Variants in KCNIP4 observed in about 807,000 individuals in gnomAD.
KCNIP4 encodes potassium voltage-gated channel interacting protein 4.
A neutral mutation model predicts 34.0 loss-of-function variants in KCNIP4; 12 were observed. The ratio of observed to expected loss-of-function variants is 0.35; its 90% CI spans 0.23 to 0.57. The LOEUF (loss-of-function observed/expected upper bound fraction) is 0.57. KCNIP4 is among the 20% of genes least tolerant of loss of function. KCNIP4 has a pLI of 0.83. For synonymous variants in KCNIP4, 124 were observed against 102.2 expected, an observed-to-expected ratio of 1.21 and a Z score of -1.29; for missense variants, 238 against 311.7, an observed-to-expected ratio of 0.76 and a Z score of 1.78.
chr4:21,400,096 A>G (rs573418591), intron 1 of KCNIP4, among the ~76,000 whole-genome samples: 3 of 152,288 alleles, frequency 2.0e-5, no homozygotes, highest in African/African-American at 7.2e-5. Context: ...AAGTCCTGGA[A>G]TTCATCCAGT....
chr4:21,373,537 C>T lies in KCNIP4; in HGVS notation c.62-490828G>A, dbSNP rs373740049. Among the ~76,000 whole-genome samples, 21 of 146,094 alleles carry T rather than the reference C, an allele frequency of 1.4e-4. 6 individuals are homozygous for T. Among genetic ancestry groups the T allele is most frequent in the African/African-American group, 5.3e-4 (19 of 36,138 alleles). On this transcript the variant is annotated intron_variant, in intron 1 of 8. Transcript: ENST00000382152. The stretch of plus-strand genomic sequence containing the variant: ...AGCAGTTGGGGTTTCCTTTGGGAAC[C>T]GATTCCATTTCATATTGTCATGTTA...
At chr4:21,800,163 T>C (rs1167782672) in intron 1 of KCNIP4, among the ~76,000 whole-genome samples, 1 of 152,128 alleles carries the variant, frequency 6.6e-6, no homozygotes, top group Non-Finnish European at 1.5e-5. Flanking sequence ...TATTGGTGTG[T>C]TAAAAAAATC....
At chr4:21,460,282 C>A (rs1729343500) in intron 1 of KCNIP4, among the ~76,000 whole-genome samples, 1 of 151,958 alleles carries the variant, frequency 6.6e-6, no homozygotes, top group African/African-American at 2.4e-5. Context: ...TTTTCTCTCA[C>A]CTTTAAATTT....
intron 1 of KCNIP4, among the ~76,000 whole-genome samples, chr4:21,495,975 CT>C (rs781166488): frequency 2.0e-4 from 31 of 152,208 alleles, no homozygotes; most frequent in Non-Finnish European, 3.5e-4. Context: ...GCCCTGCAAT[CT>C]GCATAATTTG....
At chr4:21,778,234 T>G (rs1719318027) in intron 1 of KCNIP4, among the ~76,000 whole-genome samples, 1 of 39,642 alleles carries the variant, frequency 2.5e-5, no homozygotes, top group Non-Finnish European at 4.9e-5. Flanking sequence ...CTTTTTTTTT[T>G]TCTTTTTTTT....
chr4:21,383,371 G>T (rs1224220656), intron 1 of KCNIP4, among the ~76,000 whole-genome samples: 3 of 151,818 alleles, frequency 2.0e-5, no homozygotes, highest in Non-Finnish European at 4.4e-5. Flanking sequence ...TGCAAAAAGA[G>T]AGAGAATAGC....
At chr4:20,889,168 C>T (rs1486940873) in intron 1 of KCNIP4, among the ~76,000 whole-genome samples, 1 of 151,960 alleles carries the variant, frequency 6.6e-6, no homozygotes, top group African/African-American at 2.4e-5. Flanking sequence ...ATCATATTTG[C>T]TTCATATTTA....
intron 4 of KCNIP4, among the ~76,000 whole-genome samples, chr4:20,756,942 G>A (rs1225394473): frequency 6.6e-6 from 1 of 151,948 alleles, no homozygotes; most frequent in African/African-American, 2.4e-5. Context: ...CTACATCATG[G>A]ATTTAACCAC....
intron 1 of KCNIP4, among the ~76,000 whole-genome samples, chr4:21,503,450 T>C (rs16871260): frequency 0.11 from 17,387 of 152,190 alleles, 1,215 homozygotes; most frequent in East Asian, 0.31. Context: ...AATCATATAA[T>C]AGCAATTTCA....
intron 3 of KCNIP4, among the ~76,000 whole-genome samples, chr4:20,763,617 T>A (rs1051017553): frequency 6.6e-6 from 1 of 152,134 alleles, no homozygotes; most frequent in African/African-American, 2.4e-5. Context: ...AAGACAAGAA[T>A]GCAGATTTGT....
intron 1 of KCNIP4, among the ~76,000 whole-genome samples, chr4:21,134,171 A>AT (rs1333691902): frequency 1.3e-5 from 2 of 152,002 alleles, no homozygotes; most frequent in South Asian, 2.1e-4. Flanking sequence ...TTATTTGTGG[A>AT]TTTTTTCCAC....
At chr4:21,291,335 G>A (rs1463450274) in intron 1 of KCNIP4, among the ~76,000 whole-genome samples, 3 of 128,920 alleles carry the variant, frequency 2.3e-5, no homozygotes, top group African/African-American at 7.8e-5. Flanking sequence ...GCACCCATGA[G>A]TCTAGCATAT....
At chr4:21,032,406 A>G (rs530929678) in intron 1 of KCNIP4, among the ~76,000 whole-genome samples, 1 of 152,242 alleles carries the variant, frequency 6.6e-6, no homozygotes, top group East Asian at 1.9e-4. Flanking sequence ...TTGCTTGCTA[A>G]GGGTCTGTTA....
At chr4:21,455,431 G>A (rs1468366560) in intron 1 of KCNIP4, among the ~76,000 whole-genome samples, 1 of 151,900 alleles carries the variant, frequency 6.6e-6, no homozygotes, top group Non-Finnish European at 1.5e-5. Context: ...AATCAACCAT[G>A]CTTCACTAGG....
At chr4:21,811,331 T>C (rs1721639163) in intron 1 of KCNIP4, among the ~76,000 whole-genome samples, 1 of 152,202 alleles carries the variant, frequency 6.6e-6, no homozygotes, top group African/African-American at 2.4e-5. Flanking sequence ...TGCCATAGGG[T>C]ATACAGTACT....
chr4:21,054,475 C>T (rs764017380), intron 1 of KCNIP4, among the ~76,000 whole-genome samples: 34 of 149,982 alleles, frequency 2.3e-4, no homozygotes, highest in Non-Finnish European at 4.3e-4. Flanking sequence ...GCAGAGATCA[C>T]ACCATTGCAC....
chr4:21,012,461 G>A (rs1389400863), intron 1 of KCNIP4, among the ~76,000 whole-genome samples: 1 of 152,152 alleles, frequency 6.6e-6, no homozygotes, highest in South Asian at 2.1e-4. Context: ...GCGTGCATCT[G>A]TAGTCCCAAT....
At chr4:21,897,732 G>T (rs893917554) in intron 1 of KCNIP4, among the ~76,000 whole-genome samples, 15 of 152,152 alleles carry the variant, frequency 9.9e-5, no homozygotes, top group Non-Finnish European at 2.9e-5. Flanking sequence ...TCCAGTGATT[G>T]TCTTCCCCAC....
chr4:21,177,650 C>T (rs1184486746), intron 1 of KCNIP4, among the ~76,000 whole-genome samples: 1 of 151,700 alleles, frequency 6.6e-6, no homozygotes, highest in African/African-American at 2.4e-5. Flanking sequence ...GCCAACATGA[C>T]AAAACCCGGT....
Sources: allele counts gnomAD v4.1 joint callset (sites outside exome capture counted in the v4.1 genomes callset), GRCh38; gene constraint gnomAD v4.1.1; transcripts MANE v1.5; gene names NCBI Gene and HGNC (gene_info 2026-07-23, HGNC 2026-07-21).